Variants in PATJ observed in about 807,000 individuals in gnomAD.
PATJ encodes the protein PATJ crumbs cell polarity complex component.
A neutral mutation model predicts 224.9 loss-of-function variants in PATJ; 190 were observed. That is an observed-to-expected ratio of 0.84 (90% confidence interval 0.75 to 0.95). The LOEUF is 0.95. Among genes scored for constraint, PATJ ranks in the 40% least tolerant of loss-of-function variants. The pLI, the probability that PATJ is intolerant of heterozygous loss-of-function variation, is 0.00. For synonymous variants in PATJ, 769 were observed against 820.3 expected, an observed-to-expected ratio of 0.94 and a Z score of 1.07; for missense variants, 2,121 against 2,270.3, an observed-to-expected ratio of 0.93 and a Z score of 1.34.
At position 62,163,080 on chromosome 1, in the gene PATJ, G is replaced by GTTA. The variant is rs1162516279; in HGVS notation, c.*2029_*2031dup. On this transcript the variant is annotated 3_prime_UTR_variant, in exon 44 of 44. Coordinates refer to ENST00000642238, the MANE Select transcript of PATJ (RefSeq NM_001350145.3). ...AATTTAATGGGCTCTAATTTAAAAT[G>GTTA]TTATTTAATAAGTATAGATTTTAAT... The GTTA allele has an allele frequency of 5.5e-6, 1 of 181,152 alleles. No homozygotes were observed. Among genetic ancestry groups the GTTA allele is most frequent in the African/African-American group, 2.4e-5 (1 of 41,656 alleles). The allele number at this position is 181,152 out of a possible 1,614,324, so 11.2% of individuals were successfully genotyped here. A position where few individuals can be genotyped will look rare whatever the true frequency, so the allele number is the denominator to read the frequency against.
intron 33 of PATJ, among the ~76,000 whole-genome samples, chr1:62,105,981 C>T (rs1662863425): frequency 7.1e-6 from 1 of 139,898 alleles, no homozygotes; most frequent in Non-Finnish European, 1.5e-5. Flanking sequence ...AGTCCCAGCT[C>T]CCAGGATGAG....
At chr1:61,874,999 G>A (rs1198966692) in intron 20 of PATJ, among the ~76,000 whole-genome samples, 1 of 152,056 alleles carries the variant, frequency 6.6e-6, no homozygotes, top group Admixed American at 6.6e-5. Context: ...ACTTATTAAT[G>A]CTTATAAAAC....
chr1:62,120,948 C>A, intron 37 of PATJ: 1 of 431,312 alleles, frequency 2.3e-6, no homozygotes, highest in South Asian at 6.4e-5. Context: ...TGATTGAAAC[C>A]ATATACAAAA....
rs185241188 is a variant in PATJ at position 61,945,543 on chromosome 1, T to C, written c.3670+17714T>C. Reference sequence around the variant, plus strand: ...AGAAGAGCTAACTATCGTAAATATATATGCACCCAATATAGGAGCACCCAG... The same window carrying C: ...AGAAGAGCTAACTATCGTAAATATACATGCACCCAATATAGGAGCACCCAG... On this transcript the variant is annotated intron_variant, in intron 27 of 43. Transcript: ENST00000642238. Among the ~76,000 whole-genome samples the C allele has an allele frequency of 1.6e-3, 246 of 152,264 alleles. 1 individual carries two copies. Among genetic ancestry groups the C allele is most frequent in the African/African-American group, 5.7e-3 (236 of 41,534 alleles).
At chr1:61,828,112 G>A (rs866122710) in intron 16 of PATJ, among the ~76,000 whole-genome samples, 2 of 151,892 alleles carry the variant, frequency 1.3e-5, no homozygotes, top group Admixed American at 6.6e-5. Flanking sequence ...GCATGGTGGC[G>A]CATGCCTGTA....
intron 31 of PATJ, among the ~76,000 whole-genome samples, chr1:62,060,175 G>C (rs1325911856): frequency 2.6e-5 from 4 of 152,102 alleles, no homozygotes; most frequent in African/African-American, 9.7e-5. Flanking sequence ...AGCAGAAACT[G>C]TTGCTCTCCA....
chr1:61,979,091 A>G (rs1644305611), intron 27 of PATJ, among the ~76,000 whole-genome samples: 1 of 152,090 alleles, frequency 6.6e-6, no homozygotes, highest in South Asian at 2.1e-4. Context: ...TGTTTAAAAC[A>G]AGCATGAGTG....
chr1:62,070,459 C>G (rs1251006063), intron 31 of PATJ, among the ~76,000 whole-genome samples: 1 of 152,108 alleles, frequency 6.6e-6, no homozygotes, highest in East Asian at 1.9e-4. Flanking sequence ...CTTTATAAAG[C>G]CCATATTCTA....
chr1:61,932,040 TAACA>T (rs1288430692), intron 27 of PATJ, among the ~76,000 whole-genome samples: 1 of 152,232 alleles, frequency 6.6e-6, no homozygotes, highest in Non-Finnish European at 1.5e-5. Context: ...ATTTTATGAC[TAACA>T]AACAAGTCGC....
intron 3 of PATJ, among the ~76,000 whole-genome samples, chr1:61,765,358 T>G (rs973130936): frequency 6.6e-6 from 1 of 151,596 alleles, no homozygotes; most frequent in African/African-American, 2.4e-5. Context: ...ATTACAGGTG[T>G]GAGCCATCAC....
intron 27 of PATJ, among the ~76,000 whole-genome samples, chr1:61,942,211 A>G (rs1677922480): frequency 6.6e-6 from 1 of 152,236 alleles, no homozygotes; most frequent in Admixed American, 6.5e-5. Flanking sequence ...GAGAAAAAAT[A>G]TATGCTTTCA....
intron 27 of PATJ, among the ~76,000 whole-genome samples, chr1:61,952,592 C>A (rs758015718): frequency 7.2e-5 from 11 of 152,144 alleles, no homozygotes; most frequent in Admixed American, 1.3e-4. Flanking sequence ...AGAAACAAAC[C>A]CCTGCAATTT....
intron 5 of PATJ, among the ~76,000 whole-genome samples, chr1:61,769,840 TTTA>T (rs1450062335): frequency 6.6e-6 from 1 of 152,212 alleles, no homozygotes; most frequent in Non-Finnish European, 1.5e-5. Context: ...TATTATATTG[TTTA>T]TTATTCTTAA....
chr1:61,745,122 G>A lies in PATJ; in HGVS notation c.-36+2567G>A, dbSNP rs1192392817. ...ATTGAGTAGACATAATTGAAGCATG[G>A]GGTAGGGAAACCCAGCAATGCCTAT... On this transcript the variant is annotated intron_variant, in intron 1 of 43. Coordinates refer to ENST00000642238, the MANE Select transcript of PATJ (RefSeq NM_001350145.3). 3.3e-5 allele frequency among the ~76,000 whole-genome samples: 5 copies of A among 152,048 alleles called. No individual in the cohort carries two copies. In the East Asian group the frequency reaches 9.6e-4, roughly 29 times the overall value.
rs1669800607 is a variant in PATJ, at chr1:62,161,123, G to A, written c.*69G>A. 2 of 1,250,020 alleles carry A rather than the reference G, an allele frequency of 1.6e-6. No homozygotes were observed. The highest frequency in any genetic ancestry group is 2.5e-5 in the South Asian group (1 of 39,736). 77.4% of individuals were successfully genotyped at this position (1,250,020 alleles called of 1,614,324 possible). On this transcript the variant is annotated 3_prime_UTR_variant, in exon 44 of 44. Coordinates refer to ENST00000642238, the MANE Select transcript of PATJ (RefSeq NM_001350145.3). ...CCACAGGCAGATGAAGTTCTGAGTG[G>A]GTATGAAAAGCACCCTCAACTAAAA...
intron 22 of PATJ, among the ~76,000 whole-genome samples, chr1:61,894,275 A>C (rs1409587130): frequency 2.0e-5 from 3 of 150,492 alleles, no homozygotes; most frequent in Non-Finnish European, 4.4e-5. Context: ...AAAAACACAA[A>C]AAAAAAACAG....
At chr1:62,087,052 G>C (rs148978149) in intron 33 of PATJ, among the ~76,000 whole-genome samples, 1,938 of 152,318 alleles carry the variant, frequency 0.013, 42 homozygotes, top group African/African-American at 0.044. Flanking sequence ...CAAAGGGCCA[G>C]TGTGACAGCC....
intron 43 of PATJ, 115 bp downstream of exon 43, chr1:62,153,596 C>T (rs951958566): frequency 9.6e-5 from 51 of 530,056 alleles, no homozygotes; most frequent in Non-Finnish European, 1.3e-4. Context: ...CATGTATGCT[C>T]ATTTCATTTG....
intron 34 of PATJ, among the ~76,000 whole-genome samples, chr1:62,113,221 G>A (rs1378598343): frequency 1.3e-5 from 2 of 152,192 alleles, no homozygotes; most frequent in Non-Finnish European, 2.9e-5. Flanking sequence ...GGTCCTGTCT[G>A]TGCTCACTGA....
Sources: allele counts gnomAD v4.1 joint callset (sites outside exome capture counted in the v4.1 genomes callset), GRCh38; gene constraint gnomAD v4.1.1; transcripts MANE v1.5; gene names NCBI Gene and HGNC (gene_info 2026-07-23, HGNC 2026-07-21).